Variants in LAMA2 observed in about 807,000 individuals in gnomAD.
The protein encoded by LAMA2 is laminin subunit alpha 2.
LAMA2 carries 269 observed loss-of-function variants against 364.8 expected under a neutral mutation model. The ratio of observed to expected loss-of-function variants is 0.74; its 90% CI spans 0.67 to 0.82. LAMA2 has a LOEUF of 0.82. Ranked by LOEUF, LAMA2 falls within the 40% of genes least tolerant of loss-of-function variation. The probability of loss-of-function intolerance (pLI) is 0.00; values close to 1 mark genes in which losing one functional copy is unlikely to be tolerated. For missense variants in LAMA2, 3,807 were observed against 3,873.2 expected, an observed-to-expected ratio of 0.98 and a Z score of 0.45; for synonymous variants, 1,379 against 1,370.6, an observed-to-expected ratio of 1.01 and a Z score of -0.14.
At chr6:128,972,665 T>C (rs1027859461) in intron 1 of LAMA2, among the ~76,000 whole-genome samples, 4 of 151,998 alleles carry the variant, frequency 2.6e-5, no homozygotes, top group East Asian at 3.9e-4. Context: ...TGAGAGTGTA[T>C]GCATCAAATT....
intron 1 of LAMA2, among the ~76,000 whole-genome samples, chr6:129,009,126 A>C (rs899678817): frequency 1.3e-5 from 2 of 152,144 alleles, no homozygotes; most frequent in Non-Finnish European, 2.9e-5. Flanking sequence ...GTCATGGGGA[A>C]ATGGTCCTCT....
intron 55 of LAMA2, among the ~76,000 whole-genome samples, chr6:129,484,266 A>G (rs1382679595): frequency 6.6e-6 from 1 of 152,226 alleles, no homozygotes; most frequent in Non-Finnish European, 1.5e-5. Flanking sequence ...TTATAGTATT[A>G]GAAAGAACAG....
intron 22 of LAMA2, among the ~76,000 whole-genome samples, chr6:129,305,100 A>T (rs1321519325): frequency 6.6e-6 from 1 of 152,208 alleles, no homozygotes; most frequent in Non-Finnish European, 1.5e-5. Flanking sequence ...GAGCAGTGAT[A>T]CTAGGTGCAT....
intron 12 of LAMA2, among the ~76,000 whole-genome samples, chr6:129,230,944 A>G (rs1484433942): frequency 2.6e-5 from 4 of 152,140 alleles, no homozygotes; most frequent in Admixed American, 6.5e-5. Context: ...ATAGGACTAT[A>G]CAAGGCCTTA....
intron 1 of LAMA2, among the ~76,000 whole-genome samples, chr6:128,984,903 C>T (rs945738817): frequency 6.6e-6 from 1 of 152,236 alleles, no homozygotes; most frequent in Non-Finnish European, 1.5e-5. Flanking sequence ...AATAAAGATT[C>T]ATGAATATTT....
chr6:128,971,291 G>A (rs979693121), intron 1 of LAMA2, among the ~76,000 whole-genome samples: 1 of 152,164 alleles, frequency 6.6e-6, no homozygotes, highest in Non-Finnish European at 1.5e-5. Context: ...TAAGTGCCTA[G>A]TGTTGTCATA....
At chr6:129,013,364 G>A in intron 1 of LAMA2, among the ~76,000 whole-genome samples, 1 of 152,150 alleles carries the variant, frequency 6.6e-6, no homozygotes, top group South Asian at 2.1e-4. Flanking sequence ...GGGAACCCGG[G>A]AGGCGGAGCC....
chr6:129,511,367 GCTT>G lies in LAMA2; in HGVS notation c.8858-990_8858-988del, dbSNP rs141056834. Among the ~76,000 whole-genome samples, 1,333 of 152,110 alleles carry G rather than the reference GCTT, an allele frequency of 8.8e-3. 11 individuals carry two copies. The highest frequency in any genetic ancestry group is 0.015 in the Non-Finnish European group (1,021 of 67,964). ...CTGTTTTATTTTGCAGAGCAATTCA[GCTT>G]CTTCTACCCTTTACTTTATTTTTTC... On this transcript the variant is annotated intron_variant, in intron 62 of 64. Transcript: ENST00000421865.
At chr6:129,508,125 G>A (rs562241564) in intron 62 of LAMA2, among the ~76,000 whole-genome samples, 10 of 152,244 alleles carry the variant, frequency 6.6e-5, no homozygotes, top group South Asian at 2.1e-4. Flanking sequence ...TCTCCACTCC[G>A]TTTCTAATGA....
intron 1 of LAMA2, among the ~76,000 whole-genome samples, chr6:129,049,376 T>C (rs561862838): frequency 6.6e-6 from 1 of 152,320 alleles, no homozygotes. Context: ...CTGGATGGCA[T>C]GGAAAGCAGT....
At chr6:129,035,269 C>T (rs1207178384) in intron 1 of LAMA2, among the ~76,000 whole-genome samples, 1 of 149,040 alleles carries the variant, frequency 6.7e-6, no homozygotes, top group Non-Finnish European at 1.5e-5. Context: ...GCTTTTTGGC[C>T]ACTTGTATGT....
chr6:129,029,132 A>G (rs1786043533), intron 1 of LAMA2, among the ~76,000 whole-genome samples: 1 of 152,000 alleles, frequency 6.6e-6, no homozygotes, highest in Non-Finnish European at 1.5e-5. Context: ...AAGAAGTTCC[A>G]TATGGAAAAC....
rs142142994 is a variant in LAMA2 at position 129,023,458 on chromosome 6, G to A, written c.113-26460G>A. ...TTGTGTACTTGCAAACACTTCCATG[G>A]TATCTATTTCAAGTGTATTTTGAAA... On this transcript the variant is annotated intron_variant, in intron 1 of 64. Coordinates refer to ENST00000421865, the MANE Select transcript of LAMA2 (RefSeq NM_000426.4). Among the ~76,000 whole-genome samples the A allele has an allele frequency of 4.6e-3, 694 of 152,026 alleles. 9 individuals carry two copies. The highest frequency in any genetic ancestry group is 0.016 in the African/African-American group (672 of 41,444).
chr6:129,005,736 G>T (rs1026349140), intron 1 of LAMA2, among the ~76,000 whole-genome samples: 1 of 150,824 alleles, frequency 6.6e-6, no homozygotes, highest in East Asian at 2.0e-4. Context: ...GTATGTGTGT[G>T]TATAATTTTT....
intron 3 of LAMA2, among the ~76,000 whole-genome samples, chr6:129,070,062 A>G (rs1344879058): frequency 6.6e-6 from 1 of 152,076 alleles, no homozygotes; most frequent in Non-Finnish European, 1.5e-5. Context: ...GAGGAGCTAT[A>G]AGTGTGCCCA....
At chr6:129,216,457 C>T (rs1783429004) in intron 12 of LAMA2, among the ~76,000 whole-genome samples, 1 of 152,060 alleles carries the variant, frequency 6.6e-6, no homozygotes, top group Non-Finnish European at 1.5e-5. Flanking sequence ...TTTTACTATT[C>T]TAGAATATGT....
intron 33 of LAMA2, among the ~76,000 whole-genome samples, chr6:129,367,773 T>G (rs145710374): frequency 6.6e-6 from 1 of 152,356 alleles, no homozygotes; most frequent in East Asian, 1.9e-4. Context: ...GACTGAAGTC[T>G]TAAATGGATT....
intron 2 of LAMA2, among the ~76,000 whole-genome samples, chr6:129,053,209 G>T (rs551004870): frequency 2.0e-5 from 3 of 152,278 alleles, no homozygotes; most frequent in African/African-American, 7.2e-5. Context: ...CTCCTGAGAG[G>T]CATGCGCCAC....
At chr6:128,941,453 A>G (rs1489557284) in intron 1 of LAMA2, among the ~76,000 whole-genome samples, 2 of 152,296 alleles carry the variant, frequency 1.3e-5, no homozygotes, top group East Asian at 3.9e-4. Context: ...TGAATGAATC[A>G]ATCAATCCAA....
Sources: gnomAD v4.1 joint callset for allele counts (sites outside exome capture counted in the v4.1 genomes callset) on GRCh38, gnomAD v4.1.1 for gene constraint, MANE v1.5 for transcripts, NCBI Gene and HGNC (gene_info 2026-07-23, HGNC 2026-07-21) for gene names.